Variants in ZNF431 observed in about 807,000 individuals in gnomAD.
The protein encoded by ZNF431 is zinc finger protein 431.
Under a neutral mutation model 57.0 loss-of-function variants are expected in ZNF431, and 34 were observed. The observed-to-expected ratio is 0.60, with a 90% confidence interval of 0.45 to 0.79. The LOEUF is 0.79. ZNF431 is among the 30% of genes least tolerant of loss of function. The pLI is 0.00. For synonymous variants in ZNF431, 207 were observed against 220.3 expected, an observed-to-expected ratio of 0.94 and a Z score of 0.54; for missense variants, 607 against 667.1, an observed-to-expected ratio of 0.91 and a Z score of 0.99.
intron 4 of ZNF431, among the ~76,000 whole-genome samples, chr19:21,173,591 C>G (rs975526533): frequency 6.6e-6 from 1 of 152,094 alleles, no homozygotes; most frequent in Admixed American, 6.6e-5. Flanking sequence ...GCAATTGGCA[C>G]GATGGCTCAC....
rs193921015 is a variant in ZNF431, at chr19:21,183,324, G to A, written c.1021G>A (p.Glu341Lys). Residue 341 changes from glutamate to lysine, a missense_variant, in exon 5 of 5, where the codon GAG becomes AAG. Transcript: ENST00000311048. ...LSTHKFIHAG[E>K]KPYKCEECDK... ...TACACATAAGTTCATTCATGCTGGAGAGAAACCCTACAAATGTGAGGAATG... is the reference window on the plus strand; with the variant it reads ...TACACATAAGTTCATTCATGCTGGAAAGAAACCCTACAAATGTGAGGAATG... The A allele has an allele frequency of 2.5e-6, 4 of 1,613,728 alleles. No individual in the cohort carries two copies. The highest frequency in any genetic ancestry group is 2.5e-6 in the Non-Finnish European group (3 of 1,179,904).
At chr19:21,175,307 G>A in intron 4 of ZNF431, 3 of 612,144 alleles carry the variant, frequency 4.9e-6, no homozygotes, top group South Asian at 2.0e-5. Context: ...CAGCTCCCTT[G>A]GCCTCCCAAA....
chr19:21,175,950 A>G (rs1300029113), intron 4 of ZNF431, among the ~76,000 whole-genome samples: 1 of 152,166 alleles, frequency 6.6e-6, no homozygotes, highest in East Asian at 1.9e-4. Flanking sequence ...CAGTAATGGG[A>G]TTGTTGGGTC....
chr19:21,181,222 A>C (rs1182199990), intron 4 of ZNF431, among the ~76,000 whole-genome samples: 1 of 152,082 alleles, frequency 6.6e-6, no homozygotes, highest in African/African-American at 2.4e-5. Flanking sequence ...TTGTTGAATC[A>C]TGTTATTTTC....
intron 4 of ZNF431, among the ~76,000 whole-genome samples, chr19:21,177,088 A>G (rs1431869009): frequency 1.3e-5 from 2 of 152,152 alleles, no homozygotes; most frequent in Admixed American, 6.5e-5. Flanking sequence ...TGACATTTTC[A>G]TCATGAAATC....
chr19:21,192,081 A>G lies in ZNF431; in HGVS notation c.*8047A>G, dbSNP rs1971521088. The G allele has an allele frequency of 6.6e-6, 1 of 152,096 alleles. No individual in the cohort carries two copies. The highest frequency in any genetic ancestry group is 1.5e-5 in the Non-Finnish European group (1 of 67,998). The allele number at this position is 152,096 out of a possible 1,614,324, so 9.4% of individuals were successfully genotyped here. A position where few individuals can be genotyped will look rare whatever the true frequency, so the allele number is the denominator to read the frequency against. ...TTATTGTAGATGTAATTGTTTTTGA[A>G]TTTCATTTTGGGATAGTTATTAATG... On this transcript the variant is annotated 3_prime_UTR_variant, in exon 5 of 5. Transcript: ENST00000311048.
chr19:21,193,312 T>A lies in ZNF431; in HGVS notation c.*9278T>A, dbSNP rs1223663827. ...GGAAGGCCGAGGTGGGCGGGTCACCTGAGGTCGGGAGTTTGAGACCAGCCT... is the reference window on the plus strand; with the variant it reads ...GGAAGGCCGAGGTGGGCGGGTCACCAGAGGTCGGGAGTTTGAGACCAGCCT... On this transcript the variant is annotated 3_prime_UTR_variant, in exon 5 of 5. Transcript: ENST00000311048. 1 of 152,230 alleles carries A rather than the reference T, an allele frequency of 6.6e-6. No individual in the cohort carries two copies. The highest frequency in any genetic ancestry group is 1.5e-5 in the Non-Finnish European group (1 of 68,086). The allele number at this position is 152,230 out of a possible 1,614,324, so 9.4% of individuals were successfully genotyped here.
intron 2 of ZNF431, chr19:21,149,678 CTT>C: frequency 1.7e-6 from 1 of 572,042 alleles, no homozygotes; most frequent in Non-Finnish European, 3.3e-6. Flanking sequence ...GTTCTTTAGT[CTT>C]TGCCTTTTTG....
At chr19:21,172,273 A>G (rs1160003278) in intron 4 of ZNF431, among the ~76,000 whole-genome samples, 1 of 151,414 alleles carries the variant, frequency 6.6e-6, no homozygotes, top group Non-Finnish European at 1.5e-5. Context: ...TACTAAAAAT[A>G]CAAAATTAGC....
chr19:21,154,532 C>T lies in ZNF431; in HGVS notation c.96+10889C>T, dbSNP rs557461429. Among the ~76,000 whole-genome samples the T allele has an allele frequency of 4.4e-4, 67 of 152,242 alleles. 1 individual carries two copies. In the East Asian group the frequency reaches 5.6e-3, roughly 13 times the overall value. On this transcript the variant is annotated intron_variant, in intron 2 of 4. Transcript: ENST00000311048. ...TGATTTATAAACTTTTGGGTATATA[C>T]CCAGTAATGGGATTGCTGGGTCAAA...
chr19:21,144,125 T>G lies in ZNF431; in HGVS notation c.96+482T>G, dbSNP rs184681882. 1.1e-3 allele frequency among the ~76,000 whole-genome samples: 167 copies of G among 152,304 alleles called. 2 individuals carry two copies. Among genetic ancestry groups the G allele is most frequent in the Non-Finnish European group, 4.0e-4 (27 of 68,038 alleles). ...CTGCCACTCCCTGGGTTTGTCACCTTGAAAATATTTGTTTACTTATTTTGA... is the reference window on the plus strand; with the variant it reads ...CTGCCACTCCCTGGGTTTGTCACCTGGAAAATATTTGTTTACTTATTTTGA... On this transcript the variant is annotated intron_variant, in intron 2 of 4. Transcript: ENST00000311048.
chr19:21,194,809 T>G lies in ZNF431; in HGVS notation c.*10775T>G, dbSNP rs539156749. The G allele has an allele frequency of 2.0e-5, 3 of 152,186 alleles. No homozygotes were observed. Among genetic ancestry groups the G allele is most frequent in the Non-Finnish European group, 4.4e-5 (3 of 68,032 alleles). The allele number at this position is 152,186 out of a possible 1,614,324, so 9.4% of individuals were successfully genotyped here. A position where few individuals can be genotyped will look rare whatever the true frequency, so the allele number is the denominator to read the frequency against. On this transcript the variant is annotated 3_prime_UTR_variant, in exon 5 of 5. Transcript: ENST00000311048. ...GATTTCTCGAATTTTGCTAGGATTT[T>G]AATTTACAAAAGAAAGGTGAATGCC...
At position 21,187,277 on chromosome 19, in the gene ZNF431, C is replaced by A. The variant is rs935576679; in HGVS notation, c.*3243C>A. The A allele has an allele frequency of 6.6e-6, 1 of 151,890 alleles. No individual in the cohort carries two copies. The highest frequency in any genetic ancestry group is 1.5e-5 in the Non-Finnish European group (1 of 67,986). 9.4% of individuals were successfully genotyped at this position (151,890 alleles called of 1,614,324 possible). ...TGAATATGGTGAAACCCAGTCTCTA[C>A]TAAAACTACAAAAATAGCCAGGCAT... On this transcript the variant is annotated 3_prime_UTR_variant, in exon 5 of 5. Coordinates refer to ENST00000311048, the MANE Select transcript of ZNF431 (RefSeq NM_133473.4).
At chr19:21,143,727 G>T in intron 2 of ZNF431, 84 bp downstream of exon 2, 3 of 948,848 alleles carry the variant, frequency 3.2e-6, no homozygotes, top group South Asian at 2.8e-5. Flanking sequence ...CCAGTCCGAT[G>T]CTGGCACTGA....
chr19:21,163,012 A>G lies in ZNF431; in HGVS notation c.97-3323A>G, dbSNP rs540300140. 3.3e-5 allele frequency among the ~76,000 whole-genome samples: 5 copies of G among 152,312 alleles called. No individual in the cohort carries two copies. In the East Asian group the frequency reaches 9.6e-4, roughly 29 times the overall value. On this transcript the variant is annotated intron_variant, in intron 2 of 4. Coordinates refer to ENST00000311048, the MANE Select transcript of ZNF431 (RefSeq NM_133473.4). ...TATACATTTTATTTTTAAAAATGAC[A>G]GAGAAACAGATGAAGAAATAAAAAT...
Position 21,194,488 on chromosome 19 carries a change from T to G in ZNF431, c.*10454T>G, listed in dbSNP as rs954777538. On this transcript the variant is annotated 3_prime_UTR_variant, in exon 5 of 5. Coordinates refer to ENST00000311048, the MANE Select transcript of ZNF431 (RefSeq NM_133473.4). ...ATGTCGATTACTTTTTTTTTTTTTT[T>G]GAGACAGTGTTGCTCTGTGGCCTAG... 39 of 151,290 alleles carry G rather than the reference T, an allele frequency of 2.6e-4. No individual in the cohort carries two copies. Among genetic ancestry groups the G allele is most frequent in the African/African-American group, 9.2e-4 (38 of 41,256 alleles). 9.4% of individuals were successfully genotyped at this position (151,290 alleles called of 1,614,324 possible).
chr19:21,170,352 G>A (rs1375307287), intron 4 of ZNF431, among the ~76,000 whole-genome samples: 1 of 152,110 alleles, frequency 6.6e-6, no homozygotes, highest in African/African-American at 2.4e-5. Context: ...TTGTGGCGAG[G>A]ATAATCAAAT....
chr19:21,174,048 C>T (rs571485631), intron 4 of ZNF431, among the ~76,000 whole-genome samples: 3 of 150,532 alleles, frequency 2.0e-5, no homozygotes, highest in Non-Finnish European at 4.4e-5. Flanking sequence ...TGGGTTCAAG[C>T]GATTCTGCTG....
At chr19:21,163,643 T>C (rs1970639715) in intron 2 of ZNF431, among the ~76,000 whole-genome samples, 1 of 152,084 alleles carries the variant, frequency 6.6e-6, no homozygotes, top group African/African-American at 2.4e-5. Context: ...TGCCTCAGCC[T>C]CCTGAGTAGC....
Sources: gnomAD v4.1 joint callset for allele counts (sites outside exome capture counted in the v4.1 genomes callset) on GRCh38, gnomAD v4.1.1 for gene constraint, MANE v1.5 for transcripts, NCBI Gene and HGNC (gene_info 2026-07-23, HGNC 2026-07-21) for gene names.